Variants in WDFY4 observed in about 807,000 individuals in gnomAD.
The protein encoded by WDFY4 is WDFY family member 4.
In WDFY4, 169 loss-of-function variants were observed where a neutral mutation model predicts 351.9. The observed-to-expected ratio is 0.48, with a 90% confidence interval of 0.42 to 0.55. WDFY4 has a LOEUF of 0.55. Among genes scored for constraint, WDFY4 ranks in the 20% least tolerant of loss-of-function variants. The pLI is 0.00. For missense variants in WDFY4, 3,803 were observed against 3,935.6 expected (o/e 0.97, Z 0.90); for synonymous variants, 1,622 against 1,574.6 (o/e 1.03, Z -0.71).
At chr10:48,728,459 T>C (rs1335447960) in intron 7 of WDFY4, among the ~76,000 whole-genome samples, 7 of 152,210 alleles carry the variant, frequency 4.6e-5, no homozygotes. Flanking sequence ...CAAGGCCACA[T>C]ACTTTCCCTT....
intron 35 of WDFY4, among the ~76,000 whole-genome samples, chr10:48,826,046 A>C (rs2067985306): frequency 6.6e-6 from 1 of 152,168 alleles, no homozygotes; most frequent in Admixed American, 6.5e-5. Context: ...TATGTCCTGA[A>C]TGGTATTGCC....
intron 39 of WDFY4, among the ~76,000 whole-genome samples, chr10:48,843,821 G>A (rs559680363): frequency 2.0e-5 from 3 of 152,190 alleles, no homozygotes; most frequent in Non-Finnish European, 2.9e-5. Context: ...CCCAGGAGAT[G>A]TTTTTAATTT....
In WDFY4 at chr10:48,727,635, C is replaced by T. The variant is rs1243249003; in HGVS notation, c.947C>T (p.Pro316Leu). The T allele has an allele frequency of 1.9e-6, 3 of 1,552,014 alleles. No individual in the cohort carries two copies. The highest frequency in any genetic ancestry group is 2.0e-5 in the Admixed American group (1 of 51,012). The change falls in exon 7 of 62, where the codon CCT becomes CTT. Residue 316 changes from proline (P) to leucine (L), a missense_variant. Transcript: ENST00000325239. The part of the protein sequence containing the change: ...FLEFENSEGY[P>L]LLLKVLLRYD... ...GAGTTTGAGAATTCAGAGGGCTATC[C>T]TCTGCTGCTCAAAGTGTTACTTCGG... is the stretch of plus-strand genomic sequence containing the variant.
chr10:48,828,988 C>A (rs1235939709), intron 37 of WDFY4, 92 bp downstream of exon 37: 1 of 702,192 alleles, frequency 1.4e-6, no homozygotes, highest in East Asian at 3.0e-5. Context: ...TTGCATTCTT[C>A]AGTTCGTCCT....
intron 47 of WDFY4, among the ~76,000 whole-genome samples, chr10:48,912,709 A>G (rs1311087559): frequency 6.6e-6 from 1 of 152,238 alleles, no homozygotes; most frequent in African/African-American, 2.4e-5. Flanking sequence ...GATCTGGAAA[A>G]ACACTGAATG....
chr10:48,858,314 A>G (rs1460353765), intron 39 of WDFY4, among the ~76,000 whole-genome samples: 2 of 152,224 alleles, frequency 1.3e-5, no homozygotes, highest in African/African-American at 4.8e-5. Context: ...ATCCCTAGAT[A>G]TGAAAGATTT....
intron 39 of WDFY4, among the ~76,000 whole-genome samples, chr10:48,837,098 T>G (rs181857508): frequency 2.0e-5 from 3 of 152,100 alleles, no homozygotes; most frequent in Admixed American, 6.6e-5. Context: ...TTTATGAAAA[T>G]TGAAAATATT....
intron 18 of WDFY4, among the ~76,000 whole-genome samples, chr10:48,779,218 C>T (rs2066138066): frequency 6.6e-6 from 1 of 152,224 alleles, no homozygotes; most frequent in Non-Finnish European, 1.5e-5. Flanking sequence ...TTAGCTGGAG[C>T]CGAAGCAGCT....
intron 11 of WDFY4, among the ~76,000 whole-genome samples, chr10:48,741,452 C>CAAAAAAAAA (rs55984300): frequency 1.5e-5 from 1 of 66,306 alleles, no homozygotes; most frequent in African/African-American, 6.8e-5. Context: ...GACTCCGTCT[C>CAAAAAAAAA]AAAAAAAAAA....
At chr10:48,691,569 G>A (rs1203088847) in intron 1 of WDFY4, among the ~76,000 whole-genome samples, 4 of 152,242 alleles carry the variant, frequency 2.6e-5, no homozygotes, top group Non-Finnish European at 5.9e-5. Context: ...TGCCCTCCCT[G>A]CAGTGGCTGG....
Position 48,731,475 on chromosome 10 carries a change from C to G in WDFY4, c.1495C>G (p.Leu499Val). 1 of 1,551,688 alleles carries G rather than the reference C, an allele frequency of 6.4e-7. No homozygotes were observed. The highest frequency in any genetic ancestry group is 8.7e-7 in the Non-Finnish European group (1 of 1,146,998). ...SILSIAGGDP[L>V]FTDIFRDSGL... The stretch of plus-strand genomic sequence containing the variant: ...CCTCAGCATCGCTGGTGGGGACCCC[C>G]TCTTCACCGACATCTTCCGGGACTC... The change falls in exon 9 of 62, where the codon CTC becomes GTC. Residue 499 changes from leucine (L) to valine (V), a missense_variant. By Grantham distance (32) the Leu-to-Val change is conservative (BLOSUM62 1). Transcript: ENST00000325239.
Position 48,727,673 on chromosome 10 carries a change from T to A in WDFY4, c.971+14T>A. The A allele has an allele frequency of 6.4e-7, 1 of 1,551,592 alleles. No individual in the cohort carries two copies. Among genetic ancestry groups the A allele is most frequent in the Non-Finnish European group, 8.7e-7 (1 of 1,146,804 alleles). Reference sequence around the variant, plus strand: ...AGTGTTACTTCGGTAAGTGGCTGTGTTTGGTACGGGGAGAGCACAGGACCA... The same window carrying A: ...AGTGTTACTTCGGTAAGTGGCTGTGATTGGTACGGGGAGAGCACAGGACCA... On this transcript the variant is annotated intron_variant, in intron 7 of 61. Transcript: ENST00000325239.
chr10:48,750,670 T>C (rs1904599), intron 12 of WDFY4, among the ~76,000 whole-genome samples: 150,586 of 152,376 alleles, frequency 0.99, 74,431 homozygotes, highest in East Asian at 1. Flanking sequence ...TTCTTTGGTT[T>C]GTGTTTGCAC....
intron 47 of WDFY4, among the ~76,000 whole-genome samples, chr10:48,922,593 C>T (rs1307487010): frequency 6.6e-6 from 1 of 152,136 alleles, no homozygotes; most frequent in Non-Finnish European, 1.5e-5. Flanking sequence ...TAAACTTTAT[C>T]ATAGGCATGT....
At chr10:48,906,550 A>C (rs935759395) in intron 47 of WDFY4, among the ~76,000 whole-genome samples, 1 of 152,222 alleles carries the variant, frequency 6.6e-6, no homozygotes, top group South Asian at 2.1e-4. Flanking sequence ...AACATATGCC[A>C]GCTAGAGCTG....
At chr10:48,910,183 C>A in intron 47 of WDFY4, 1 of 1,453,608 alleles carries the variant, frequency 6.9e-7, no homozygotes, top group South Asian at 1.1e-5. Context: ...TTCTCCTCTT[C>A]AGAGTCGTTT....
intron 35 of WDFY4, among the ~76,000 whole-genome samples, chr10:48,825,418 A>G (rs1261272436): frequency 1.3e-5 from 2 of 152,204 alleles, no homozygotes. Context: ...TGCAATGAAC[A>G]TACGCGTGCA....
chr10:48,828,507 G>A (rs2068078737), intron 36 of WDFY4, among the ~76,000 whole-genome samples: 1 of 152,314 alleles, frequency 6.6e-6, no homozygotes, highest in South Asian at 2.1e-4. Context: ...GGAATCAGGA[G>A]TGGGCACAGG....
intron 45 of WDFY4, among the ~76,000 whole-genome samples, 186 bp from the exon 46 acceptor site, chr10:48,900,035 C>T (rs1441018982): frequency 6.6e-6 from 1 of 152,154 alleles, no homozygotes; most frequent in African/African-American, 2.4e-5. Flanking sequence ...TGCCCTCCCA[C>T]ACATTCTGCA....
Sources: allele counts gnomAD v4.1 joint callset (sites outside exome capture counted in the v4.1 genomes callset), GRCh38; gene constraint gnomAD v4.1.1; transcripts MANE v1.5; gene names NCBI Gene and HGNC (gene_info 2026-07-23, HGNC 2026-07-21).